Variants in MPDZ observed in about 807,000 individuals in gnomAD.
MPDZ encodes the protein multiple PDZ domain crumbs cell polarity complex component, also known as multiple PDZ domain protein.
In MPDZ, 234 loss-of-function variants were observed where a neutral mutation model predicts 239.1. The ratio of observed to expected loss-of-function variants is 0.98; its 90% confidence interval spans 0.88 to 1.09. The LOEUF (loss-of-function observed/expected upper bound fraction) is 1.09. Among genes scored for constraint, MPDZ ranks in the 50% least tolerant of loss-of-function variants. The pLI is 0.00. For missense variants in MPDZ, 3,175 were observed against 2,510.0 expected (o/e 1.26, Z -5.66); for synonymous variants, 1,048 against 881.3 (o/e 1.19, Z -3.35).
chr9:13,192,397 C>G, intron 14 of MPDZ, 102 bp from the exon 15 acceptor site: 1 of 1,003,246 alleles, frequency 1.0e-6, no homozygotes, highest in Non-Finnish European at 1.5e-6. Context: ...ATAGTCATTA[C>G]CACAGTTTAC....
At chr9:13,234,822 T>C (rs1226241424) in intron 3 of MPDZ, among the ~76,000 whole-genome samples, 1 of 152,134 alleles carries the variant, frequency 6.6e-6, no homozygotes, top group African/African-American at 2.4e-5. Flanking sequence ...GCAGAATTTT[T>C]TTTTTTAATC....
chr9:13,200,417 G>A lies in MPDZ; in HGVS notation c.1547-4187C>T, dbSNP rs184939996. On this transcript the variant is annotated intron_variant, in intron 12 of 46. Coordinates refer to ENST00000319217, the MANE Select transcript of MPDZ (RefSeq NM_001378778.1). ...TGTTTTCTTACTCTTTTGTATTTTC[G>A]TCTCAATTTCATTTATTTCTGCTAC... 2.9e-4 allele frequency among the ~76,000 whole-genome samples: 44 copies of A among 151,528 alleles called. 1 individual carries two copies. The highest frequency in any genetic ancestry group is 8.7e-4 in the African/African-American group (36 of 41,384).
At chr9:13,187,293 T>C (rs1244420724) in intron 17 of MPDZ, among the ~76,000 whole-genome samples, 2 of 151,354 alleles carry the variant, frequency 1.3e-5, no homozygotes, top group Non-Finnish European at 1.5e-5. Flanking sequence ...TTTGGAACTA[T>C]ACAGAAAAAA....
At chr9:13,162,334 G>A (rs1055772771) in intron 23 of MPDZ, among the ~76,000 whole-genome samples, 3 of 151,292 alleles carry the variant, frequency 2.0e-5, no homozygotes, top group African/African-American at 4.9e-5. Context: ...CATTTCTGAA[G>A]AAGTTTGCTA....
intron 23 of MPDZ, among the ~76,000 whole-genome samples, chr9:13,159,069 T>G (rs548385084): frequency 6.6e-6 from 1 of 152,278 alleles, no homozygotes; most frequent in South Asian, 2.1e-4. Flanking sequence ...TATGTAAAAT[T>G]ACAGCCATTC....
At chr9:13,224,658 A>G (rs1027783678) in intron 3 of MPDZ, 75 bp from the exon 4 acceptor site, 3 of 970,082 alleles carry the variant, frequency 3.1e-6, no homozygotes, top group Non-Finnish European at 4.5e-6. Context: ...CCAAGGGTAC[A>G]AGGACATACA....
chr9:13,272,580 G>A (rs1399788340), intron 1 of MPDZ, among the ~76,000 whole-genome samples: 1 of 151,682 alleles, frequency 6.6e-6, no homozygotes, highest in Non-Finnish European at 1.5e-5. Flanking sequence ...AAATGAGGCC[G>A]AGCGTGGTGG....
intron 2 of MPDZ, 127 bp downstream of exon 2, chr9:13,250,173 G>C (rs1463658744): frequency 2.6e-6 from 2 of 769,730 alleles, no homozygotes; most frequent in African/African-American, 1.8e-5. Context: ...AATGCTAGTA[G>C]GTAAAAACTT....
chr9:13,212,335 C>T (rs574692123), intron 10 of MPDZ, among the ~76,000 whole-genome samples: 2 of 152,088 alleles, frequency 1.3e-5, no homozygotes, highest in East Asian at 1.9e-4. Flanking sequence ...TCTTAGTTAC[C>T]TTCATCTGTA....
intron 17 of MPDZ, among the ~76,000 whole-genome samples, chr9:13,188,470 A>T (rs1954441034): frequency 6.6e-6 from 1 of 152,054 alleles, no homozygotes; most frequent in Non-Finnish European, 1.5e-5. Context: ...ATGAACCGAG[A>T]TTTCGCCACT....
intron 10 of MPDZ, among the ~76,000 whole-genome samples, chr9:13,215,306 G>C (rs1958153859): frequency 6.6e-6 from 1 of 151,270 alleles, no homozygotes; most frequent in African/African-American, 2.4e-5. Flanking sequence ...TCTCTTTAAA[G>C]ACTGAATAAC....
intron 10 of MPDZ, among the ~76,000 whole-genome samples, chr9:13,211,547 G>T (rs1048249910): frequency 1.3e-5 from 2 of 152,004 alleles, no homozygotes; most frequent in Non-Finnish European, 2.9e-5. Flanking sequence ...ACAGTGCTGA[G>T]CAACAAAATA....
At chr9:13,107,289 C>G (rs554879604) in intron 46 of MPDZ, among the ~76,000 whole-genome samples, 178 bp from the exon 47 acceptor site, 1 of 152,288 alleles carries the variant, frequency 6.6e-6, no homozygotes, top group East Asian at 1.9e-4. Flanking sequence ...GAAGGTCTTT[C>G]TCCTAAATGG....
chr9:13,134,448 C>T (rs1029463316), intron 31 of MPDZ: 3 of 152,272 alleles, frequency 2.0e-5, no homozygotes, highest in South Asian at 2.1e-4. Context: ...CTTAGTGGAA[C>T]GTTAGGAGCA....
Position 13,186,761 on chromosome 9 carries a change from T to C in MPDZ, c.2365-375A>G, listed in dbSNP as rs114090359. The stretch of plus-strand genomic sequence containing the variant: ...CTGGTCAAACAATGACTTCCTAATA[T>C]AGAAATGAAGCAACTTTTAGGTATT... On this transcript the variant is annotated intron_variant, in intron 17 of 46. Coordinates refer to ENST00000319217, the MANE Select transcript of MPDZ (RefSeq NM_001378778.1). Among the ~76,000 whole-genome samples the C allele has an allele frequency of 4.9e-3, 738 of 152,106 alleles. 6 individuals are homozygous for C. The highest frequency in any genetic ancestry group is 0.016 in the African/African-American group (655 of 41,518).
intron 1 of MPDZ, among the ~76,000 whole-genome samples, chr9:13,275,971 C>A (rs994058627): frequency 1.3e-5 from 2 of 152,262 alleles, no homozygotes; most frequent in African/African-American, 2.4e-5. Flanking sequence ...AAGACCAAAG[C>A]CTTTCTGTGT....
At chr9:13,247,122 C>T (rs770274960) in intron 3 of MPDZ, among the ~76,000 whole-genome samples, 1 of 152,156 alleles carries the variant, frequency 6.6e-6, no homozygotes, top group African/African-American at 2.4e-5. Flanking sequence ...TTGCTACTTA[C>T]ACTCTTTAAA....
chr9:13,113,795 G>C (rs1232428345), intron 41 of MPDZ, 136 bp downstream of exon 41: 2 of 671,302 alleles, frequency 3.0e-6, no homozygotes, highest in Non-Finnish European at 2.5e-6. Context: ...CAGACTTTTT[G>C]CTAACACGTG....
intron 10 of MPDZ, among the ~76,000 whole-genome samples, chr9:13,210,534 G>C (rs930928975): frequency 9.2e-5 from 14 of 151,758 alleles, no homozygotes; most frequent in African/African-American, 3.4e-4. Context: ...AGCAGATTGT[G>C]TCTAATGCCA....
Sources: gnomAD v4.1 joint callset for allele counts (sites outside exome capture counted in the v4.1 genomes callset) on GRCh38, gnomAD v4.1.1 for gene constraint, MANE v1.5 for transcripts, NCBI Gene and HGNC (gene_info 2026-07-23, HGNC 2026-07-21) for gene names.